The following ZGRF1 variants were observed in gnomAD, a reference collection of about 807,000 sequenced individuals.
ZGRF1 encodes 5'-3' DNA helicase ZGRF1.
A neutral mutation model predicts 203.5 loss-of-function variants in ZGRF1; 196 were observed. The ratio of observed to expected loss-of-function variants is 0.96; its 90% CI spans 0.86 to 1.08. The LOEUF is 1.08. Among genes scored for constraint, ZGRF1 ranks in the 50% least tolerant of loss-of-function variants. The pLI is 0.00. For missense variants in ZGRF1, 2,326 were observed against 2,416.3 expected, an observed-to-expected ratio of 0.96 and a Z score of 0.78; for synonymous variants, 809 against 841.3, an observed-to-expected ratio of 0.96 and a Z score of 0.66.
chr4:112,564,081 A>T (rs570958932), intron 16 of ZGRF1, among the ~76,000 whole-genome samples: 1 of 152,334 alleles, frequency 6.6e-6, no homozygotes, highest in Non-Finnish European at 1.5e-5. Context: ...AAAAAAAGTA[A>T]TATTGGACTC....
At chr4:112,597,938 C>A (rs577643140) in intron 10 of ZGRF1, among the ~76,000 whole-genome samples, 2 of 150,370 alleles carry the variant, frequency 1.3e-5, no homozygotes, top group African/African-American at 2.4e-5. Flanking sequence ...TAAAGCAGAT[C>A]ATATCCAAAT....
In ZGRF1 at chr4:112,618,758, T is replaced by C. The variant is rs141297803; in HGVS notation, c.1284A>G (p.Leu428=). Residue 428 remains leucine, a synonymous_variant, in exon 6 of 28, where the codon TTA becomes TTG. Coordinates refer to ENST00000505019, the MANE Select transcript of ZGRF1 (RefSeq NM_018392.5). The part of the protein sequence containing the change: ...TCSSAENDGI[L]SESDIQEDNK... The stretch of plus-strand genomic sequence containing the variant: ...TATCTTCTTGAATGTCAGATTCTGA[T>C]AATATACCATCATTTTCTGCACTGC... 10 of 1,611,126 alleles carry C rather than the reference T, an allele frequency of 6.2e-6. No homozygotes were observed. The highest frequency in any genetic ancestry group is 8.5e-6 in the Non-Finnish European group (10 of 1,179,190).
At chr4:112,569,743 T>C (rs2148934333) in intron 16 of ZGRF1, among the ~76,000 whole-genome samples, 1 of 152,252 alleles carries the variant, frequency 6.6e-6, no homozygotes, top group East Asian at 1.9e-4. Flanking sequence ...TATAATAAAT[T>C]CAACTATCGG....
At position 112,587,789 on chromosome 4, in the gene ZGRF1, TAG is replaced by T; in HGVS notation, c.3266_3267del (p.Ser1089Ter). The T allele has an allele frequency of 1.3e-6, 2 of 1,552,686 alleles. No individual in the cohort carries two copies. The highest frequency in any genetic ancestry group is 8.7e-7 in the Non-Finnish European group (1 of 1,147,340). On this transcript the variant is annotated frameshift_variant, in exon 12 of 28. Coordinates refer to ENST00000505019, the MANE Select transcript of ZGRF1 (RefSeq NM_018392.5). LOFTEE classifies it high-confidence loss of function. ...GGGGAGCCAGAAGACTCGTATGTGT[TAG>T]AGTTGATCATATACGAATGAGAGTC... The part of the protein sequence containing the change: ...DLDSHSYMIN[S>X]NTYESSGSPM...
intron 16 of ZGRF1, among the ~76,000 whole-genome samples, chr4:112,575,684 C>A (rs1745061781): frequency 6.6e-6 from 1 of 152,196 alleles, no homozygotes; most frequent in Non-Finnish European, 1.5e-5. Flanking sequence ...TCATTGCTAA[C>A]AGAGCAGTCT....
rs540136242 is a variant in ZGRF1 at position 112,566,046 on chromosome 4, C to T, written c.4439-2772G>A. Among the ~76,000 whole-genome samples the T allele has an allele frequency of 5.3e-3, 801 of 152,194 alleles. 13 individuals carry two copies. The highest frequency in any genetic ancestry group is 0.017 in the African/African-American group (712 of 41,520). ...ATGCTGCTATAAAGACACATGCACACATATGTTTATTACGGCACTATTCAC... is the reference window on the plus strand; with the variant it reads ...ATGCTGCTATAAAGACACATGCACATATATGTTTATTACGGCACTATTCAC... On this transcript the variant is annotated intron_variant, in intron 16 of 27. Transcript: ENST00000505019.
intron 16 of ZGRF1, chr4:112,565,547 G>A: frequency 3.4e-6 from 2 of 582,670 alleles, no homozygotes; most frequent in Non-Finnish European, 6.0e-6. Context: ...ACTACCATCA[G>A]AGTGAACAGG....
intron 24 of ZGRF1, 71 bp downstream of exon 24, chr4:112,547,214 C>G (rs1738976015): frequency 1.4e-6 from 2 of 1,411,572 alleles, no homozygotes; most frequent in Non-Finnish European, 1.9e-6. Flanking sequence ...TATTTTCATT[C>G]TCTATCAACA....
chr4:112,631,915 C>T lies in ZGRF1; in HGVS notation c.102+15G>A, dbSNP rs780082165. 106 of 1,508,656 alleles carry T rather than the reference C, an allele frequency of 7.0e-5. 1 individual carries two copies. The Admixed American group carries it at 2.0e-3, about 28-fold the overall frequency. 93.5% of individuals were successfully genotyped at this position (1,508,656 alleles called of 1,614,324 possible). A position where few individuals can be genotyped will look rare whatever the true frequency, so the allele number is the denominator to read the frequency against. On this transcript the variant is annotated intron_variant, in intron 3 of 27. Transcript: ENST00000505019. ...CCTTGCTCTTGCACCCTATAGTCAA[C>T]TGCTTTGTACTCACTTTGTTTCCTA...
At chr4:112,634,894 G>A (rs1325349943) in intron 1 of ZGRF1, among the ~76,000 whole-genome samples, 2 of 152,086 alleles carry the variant, frequency 1.3e-5, no homozygotes, top group Non-Finnish European at 2.9e-5. Context: ...CACTCTGGGA[G>A]GCCATGGCGG....
intron 24 of ZGRF1, among the ~76,000 whole-genome samples, chr4:112,543,439 ATC>A (rs1258869306): frequency 6.6e-6 from 1 of 152,170 alleles, no homozygotes; most frequent in Non-Finnish European, 1.5e-5. Context: ...TCTGAGAACT[ATC>A]TATATGGATC....
chr4:112,551,474 TTAAA>T, intron 22 of ZGRF1, among the ~76,000 whole-genome samples: 1 of 152,316 alleles, frequency 6.6e-6, no homozygotes, highest in Non-Finnish European at 1.5e-5. Context: ...GCTTTACAAA[TTAAA>T]TACTGCCTCC....
intron 22 of ZGRF1, among the ~76,000 whole-genome samples, chr4:112,550,391 C>T (rs550239215): frequency 6.6e-6 from 1 of 151,482 alleles, no homozygotes; most frequent in East Asian, 1.9e-4. Flanking sequence ...TTTGTATATA[C>T]AAAATGTTTG....
At chr4:112,633,370 A>C (rs1489989490) in intron 1 of ZGRF1, 128 bp from the exon 2 acceptor site, 3 of 575,778 alleles carry the variant, frequency 5.2e-6, no homozygotes, top group Non-Finnish European at 6.1e-6. Flanking sequence ...TACCAAGGGA[A>C]ACAGAGGTGT....
At chr4:112,615,475 C>T (rs979459725) in intron 6 of ZGRF1, among the ~76,000 whole-genome samples, 2 of 152,230 alleles carry the variant, frequency 1.3e-5, no homozygotes, top group African/African-American at 2.4e-5. Flanking sequence ...CCGCCCACAT[C>T]GGCCTCCCAA....
chr4:112,547,543 T>C (rs758867473), intron 23 of ZGRF1, 135 bp from the exon 24 acceptor site: 4 of 763,392 alleles, frequency 5.2e-6, no homozygotes, highest in Non-Finnish European at 8.2e-6. Flanking sequence ...TAAAGCTTAG[T>C]AGTGCTATTA....
chr4:112,573,180 AC>A, intron 16 of ZGRF1, among the ~76,000 whole-genome samples: 1 of 151,422 alleles, frequency 6.6e-6, no homozygotes, highest in South Asian at 2.1e-4. Context: ...ACACACACAC[AC>A]ACACACACAC....
intron 22 of ZGRF1, 91 bp from the exon 23 acceptor site, chr4:112,548,471 G>C: frequency 1.0e-6 from 1 of 968,020 alleles, no homozygotes; most frequent in South Asian, 1.9e-5. Flanking sequence ...TAAAATTAGA[G>C]AGTGAGCTAG....
At chr4:112,636,396 T>C (rs2149234776) in intron 1 of ZGRF1, among the ~76,000 whole-genome samples, 1 of 151,530 alleles carries the variant, frequency 6.6e-6, no homozygotes, top group South Asian at 2.1e-4. Context: ...ATATTTTTCC[T>C]TTTTTTTTAA....
Sources: allele counts gnomAD v4.1 joint callset (sites outside exome capture counted in the v4.1 genomes callset), GRCh38; gene constraint gnomAD v4.1.1; transcripts MANE v1.5; gene names NCBI Gene and HGNC (gene_info 2026-07-23, HGNC 2026-07-21).